USP34: variants seen among roughly 807,000 people sequenced by gnomAD.
USP34 encodes the protein ubiquitin specific peptidase 34.
USP34 carries 70 observed loss-of-function variants against 460.3 expected under a neutral mutation model. The ratio of observed to expected loss-of-function variants is 0.15; its 90% CI spans 0.13 to 0.19. USP34 has a LOEUF of 0.19. Ranked by LOEUF, USP34 falls within the 10% of genes least tolerant of loss-of-function variation. The probability of loss-of-function intolerance (pLI) is 1.00; values close to 1 mark genes in which losing one functional copy is unlikely to be tolerated. For synonymous variants in USP34, 1,647 were observed against 1,405.3 expected (o/e 1.17, Z -3.85); for missense variants, 3,985 against 4,236.2 (o/e 0.94, Z 1.65).
In USP34 at chr2:61,190,538, T is replaced by A; in HGVS notation, c.9709A>T (p.Met3237Leu). 1 of 1,614,004 alleles carries A rather than the reference T, an allele frequency of 6.2e-7. No individual in the cohort carries two copies. Among genetic ancestry groups the A allele is most frequent in the Non-Finnish European group, 8.5e-7 (1 of 1,179,956 alleles). Reference sequence around the variant, plus strand: ...CGTACCTTTAGAAGGAAATGTGTCATGAACGTGTAGACAATGTTGTTGTTT... The same window carrying A: ...CGTACCTTTAGAAGGAAATGTGTCAAGAACGTGTAGACAATGTTGTTGTTT... ...FLNNNIVYTF[M>L]THFLLKVQSQ... Residue 3237 changes from methionine to leucine, a missense_variant, in exon 77 of 80, where the codon ATG becomes TTG. Met to Leu is a conservative substitution (Grantham distance 15, BLOSUM62 2). This residue lies in a region of USP34 where 506 missense variants were observed against 439.0 expected (regional missense o/e 1.15). Transcript: ENST00000398571.
intron 78 of USP34, 54 bp downstream of exon 78, chr2:61,190,217 G>A: frequency 6.5e-7 from 1 of 1,537,362 alleles, no homozygotes; most frequent in Non-Finnish European, 8.7e-7. Flanking sequence ...AGGCCACACA[G>A]TTAACTGAAG....
chr2:61,201,471 C>T (rs549190857), intron 75 of USP34, among the ~76,000 whole-genome samples: 2 of 152,204 alleles, frequency 1.3e-5, no homozygotes, highest in South Asian at 2.1e-4. Flanking sequence ...CCTTGGCCTC[C>T]CAAAGTGCTG....
intron 75 of USP34, among the ~76,000 whole-genome samples, chr2:61,194,813 C>T (rs1170288088): frequency 2.0e-5 from 3 of 152,194 alleles, no homozygotes; most frequent in East Asian, 1.9e-4. Flanking sequence ...ACTAGCAGGG[C>T]GTGGTGGCAC....
chr2:61,458,076 C>A (rs939581712), intron 1 of USP34, among the ~76,000 whole-genome samples: 1 of 152,076 alleles, frequency 6.6e-6, no homozygotes. Context: ...CACTGTAAAA[C>A]AGTAGTAACA....
intron 10 of USP34, among the ~76,000 whole-genome samples, chr2:61,359,382 A>G (rs1056665003): frequency 1.3e-5 from 2 of 152,258 alleles, no homozygotes; most frequent in Non-Finnish European, 2.9e-5. Context: ...GGAAAACTGA[A>G]TATTTACATG....
At chr2:61,248,240 C>A (rs567128948) in intron 49 of USP34, among the ~76,000 whole-genome samples, 2 of 150,878 alleles carry the variant, frequency 1.3e-5, no homozygotes, top group African/African-American at 4.9e-5. Flanking sequence ...AGACTTACCC[C>A]ACGAGATTTA....
intron 2 of USP34, among the ~76,000 whole-genome samples, chr2:61,411,836 CAAT>C (rs968625252): frequency 3.2e-4 from 49 of 152,196 alleles, no homozygotes; most frequent in African/African-American, 1.1e-3. Context: ...GAAAGGATAA[CAAT>C]AATAAGATAT....
intron 57 of USP34, among the ~76,000 whole-genome samples, chr2:61,234,869 C>CT (rs1688018934): frequency 6.6e-6 from 1 of 152,168 alleles, no homozygotes; most frequent in Non-Finnish European, 1.5e-5. Flanking sequence ...CTCCTGACCG[C>CT]AAGTGATCCG....
At chr2:61,217,999 G>A (rs1194867377) in intron 67 of USP34, among the ~76,000 whole-genome samples, 1 of 151,662 alleles carries the variant, frequency 6.6e-6, no homozygotes, top group Non-Finnish European at 1.5e-5. Flanking sequence ...ATAAATAAAA[G>A]GATATATAAT....
chr2:61,219,666 G>T (rs998846700), intron 67 of USP34, among the ~76,000 whole-genome samples: 9 of 139,730 alleles, frequency 6.4e-5, no homozygotes, highest in African/African-American at 2.5e-4. Context: ...GTGAGACTCT[G>T]TCTCAAAAAA....
intron 30 of USP34, among the ~76,000 whole-genome samples, chr2:61,296,372 A>C (rs1038197257): frequency 8.5e-5 from 13 of 152,182 alleles, no homozygotes; most frequent in African/African-American, 3.1e-4. Context: ...ATTATCACAC[A>C]GATATTAAAT....
chr2:61,249,003 A>G (rs982603644), intron 48 of USP34, among the ~76,000 whole-genome samples: 5 of 152,250 alleles, frequency 3.3e-5, no homozygotes, highest in African/African-American at 1.2e-4. Context: ...ACAATTTCAC[A>G]GATTTTAGCA....
chr2:61,390,282 G>A (rs556593757), intron 5 of USP34, among the ~76,000 whole-genome samples: 9 of 152,126 alleles, frequency 5.9e-5, no homozygotes, highest in Non-Finnish European at 1.3e-4. Context: ...ACAAACTCTG[G>A]CAAAGAGCTG....
intron 1 of USP34, among the ~76,000 whole-genome samples, chr2:61,469,548 CACTTTT>C (rs1224237748): frequency 6.6e-5 from 10 of 152,108 alleles, no homozygotes; most frequent in Non-Finnish European, 1.5e-4. Context: ...AGAACCCTTC[CACTTTT>C]ATTATTGTCT....
At chr2:61,395,128 G>A in intron 4 of USP34, 55 bp downstream of exon 4, 2 of 1,456,710 alleles carry the variant, frequency 1.4e-6, no homozygotes, top group Non-Finnish European at 1.9e-6. Context: ...TATGGATGAG[G>A]CTTTGTTAAA....
chr2:61,395,718 G>A (rs1321134323), intron 3 of USP34, among the ~76,000 whole-genome samples: 3 of 146,244 alleles, frequency 2.1e-5, no homozygotes, highest in Non-Finnish European at 3.0e-5. Flanking sequence ...CCCGGAAGGC[G>A]GAGCTTGCAG....
intron 1 of USP34, among the ~76,000 whole-genome samples, chr2:61,430,978 G>C (rs1000202873): frequency 3.3e-5 from 5 of 152,052 alleles, no homozygotes; most frequent in African/African-American, 1.2e-4. Context: ...CTGCACTGAA[G>C]CCTGGGCAAC....
intron 1 of USP34, among the ~76,000 whole-genome samples, chr2:61,423,646 C>T (rs1408835624): frequency 1.3e-5 from 2 of 152,208 alleles, no homozygotes; most frequent in East Asian, 3.9e-4. Flanking sequence ...TAAAAGCAAT[C>T]ACTATCAAAA....
chr2:61,265,754 G>T, intron 42 of USP34, 197 bp from the exon 43 acceptor site: 1 of 700,714 alleles, frequency 1.4e-6, no homozygotes, highest in Non-Finnish European at 2.0e-6. Flanking sequence ...TTTAAAACTT[G>T]ATTTTACTTG....
Sources: gnomAD v4.1 joint callset for allele counts (sites outside exome capture counted in the v4.1 genomes callset) on GRCh38, gnomAD v4.1.1 for gene constraint, gnomAD v4.1.1 regional missense constraint, MANE v1.5 for transcripts, NCBI Gene and HGNC (gene_info 2026-07-23, HGNC 2026-07-21) for gene names.